The following TDRD9 variants were observed in gnomAD, a reference collection of about 807,000 sequenced individuals.
TDRD9 encodes the protein tudor domain containing 9, also known as ATP-dependent RNA helicase TDRD9.
In TDRD9, 124 loss-of-function variants were observed where a neutral mutation model predicts 172.6. The observed-to-expected ratio is 0.72, with a 90% CI of 0.62 to 0.83. The LOEUF is 0.83. Ranked by LOEUF, TDRD9 falls within the 40% of genes least tolerant of loss-of-function variation. The pLI is 0.00. For synonymous variants in TDRD9, 619 were observed against 617.1 expected, an observed-to-expected ratio of 1.00 and a Z score of -0.05; for missense variants, 1,479 against 1,714.1, an observed-to-expected ratio of 0.86 and a Z score of 2.42.
At position 104,018,114 on chromosome 14, in the gene TDRD9, G is replaced by A. The variant is rs371653411; in HGVS notation, c.2354G>A (p.Gly785Glu). 1.2e-5 allele frequency: 19 copies of A among 1,603,340 alleles called. No individual in the cohort carries two copies. In the South Asian group the frequency reaches 2.1e-4, roughly 18 times the overall value. ...CAGTTGAAACACATTCCTCCCTATG[G>A]ATTTCTTTACTATAAACAACTACAG... is the stretch of plus-strand genomic sequence containing the variant. ...TVVLKHIPPY[G>E]FLYYKQLQSL... Residue 785 changes from glycine to glutamate, a missense_variant, in exon 23 of 36, where the codon GGA (glycine) becomes GAA (glutamate). Around this residue, in one of 3 missense-constraint regions of TDRD9, gnomAD observed 1,413 missense variants for 1,649.1 expected, o/e 0.86. Coordinates refer to ENST00000409874, the MANE Select transcript of TDRD9 (RefSeq NM_153046.3).
intron 3 of TDRD9, 103 bp from the exon 4 acceptor site, chr14:103,965,230 C>A: frequency 8.0e-7 from 1 of 1,242,922 alleles, no homozygotes; most frequent in Non-Finnish European, 1.1e-6. Flanking sequence ...CAAAACAAAA[C>A]TTTAAGATGA....
intron 34 of TDRD9, among the ~76,000 whole-genome samples, chr14:104,048,003 C>G (rs953406957): frequency 1.3e-5 from 2 of 152,022 alleles, no homozygotes; most frequent in Non-Finnish European, 2.9e-5. Context: ...TCAGCCTCTA[C>G]TGGCTGCTCT....
At chr14:104,025,895 G>C in intron 26 of TDRD9, 119 bp downstream of exon 26, 1 of 1,037,580 alleles carries the variant, frequency 9.6e-7, no homozygotes, top group Non-Finnish European at 1.5e-6. Context: ...TAGCAAAGTA[G>C]TCTGTTTCCC....
intron 1 of TDRD9, among the ~76,000 whole-genome samples, chr14:103,952,334 G>A (rs1412769138): frequency 3.6e-5 from 5 of 138,644 alleles, no homozygotes; most frequent in South Asian, 2.4e-4. Flanking sequence ...TCCGCCTCCC[G>A]GGTTCACGCC....
rs527873330 is a variant in TDRD9, at chr14:103,981,497, C to T, written c.1012-4720C>T. Among the ~76,000 whole-genome samples the T allele has an allele frequency of 3.0e-4, 46 of 152,280 alleles. No homozygotes were observed. The South Asian group carries it at 6.6e-3, about 22-fold the overall frequency. Reference sequence around the variant, plus strand: ...TCCAGCTTTAGCAAGATTTATCCAACGTCTTGTTTTTGGTACCTGATAGGT... The same window carrying T: ...TCCAGCTTTAGCAAGATTTATCCAATGTCTTGTTTTTGGTACCTGATAGGT... On this transcript the variant is annotated intron_variant, in intron 7 of 35. Transcript: ENST00000409874.
chr14:103,976,251 T>G (rs1239942840), intron 7 of TDRD9, among the ~76,000 whole-genome samples: 1 of 152,110 alleles, frequency 6.6e-6, no homozygotes, highest in East Asian at 1.9e-4. Flanking sequence ...TATACTATAT[T>G]TTCTTTATCC....
chr14:104,049,733 A>G (rs2035888280), intron 35 of TDRD9, 53 bp downstream of exon 35: 3 of 1,474,662 alleles, frequency 2.0e-6, no homozygotes, highest in Admixed American at 3.9e-5. Flanking sequence ...AGGAGGGGAC[A>G]GGCCCTGGGC....
In TDRD9 at chr14:104,029,306, A is replaced by G. The variant is rs1449357580; in HGVS notation, c.3283-1802A>G. Among the ~76,000 whole-genome samples the G allele has an allele frequency of 2.6e-5, 4 of 152,282 alleles. 1 individual carries two copies. The highest frequency in any genetic ancestry group is 4.1e-4 in the South Asian group (2 of 4,830). On this transcript the variant is annotated intron_variant, in intron 28 of 35. Coordinates refer to ENST00000409874, the MANE Select transcript of TDRD9 (RefSeq NM_153046.3). ...CATTTTAACAATATAAATTCTTCCAATTCATAAACATGAGATGTCTTAATC... is the reference window on the plus strand; with the variant it reads ...CATTTTAACAATATAAATTCTTCCAGTTCATAAACATGAGATGTCTTAATC...
At chr14:103,952,212 ATATATATATTTTTTTTTTTTTTTTTT>A (rs1566734812) in intron 1 of TDRD9, among the ~76,000 whole-genome samples, 5 of 66,408 alleles carry the variant, frequency 7.5e-5, no homozygotes, top group African/African-American at 4.0e-4. Flanking sequence ...ATATATATAT[ATATATATATTTTTTTTTTTTTTTTTT>A]TTTTTTTTTT....
chr14:103,946,966 T>A (rs1007039076), intron 1 of TDRD9, among the ~76,000 whole-genome samples: 16 of 152,236 alleles, frequency 1.1e-4, no homozygotes, highest in African/African-American at 3.9e-4. Flanking sequence ...TACTACACGA[T>A]GTGATCTACA....
At chr14:103,978,418 T>G (rs1408418944) in intron 7 of TDRD9, among the ~76,000 whole-genome samples, 1 of 152,170 alleles carries the variant, frequency 6.6e-6, no homozygotes, top group Non-Finnish European at 1.5e-5. Context: ...GGACATCTAT[T>G]TGTAGTTAAC....
chr14:104,012,333 C>T (rs1025464129), intron 20 of TDRD9, among the ~76,000 whole-genome samples: 2 of 152,236 alleles, frequency 1.3e-5, no homozygotes, highest in African/African-American at 2.4e-5. Flanking sequence ...CCAAGCCTTT[C>T]TCTGGAATGT....
chr14:103,938,440 A>ATTTTTTTTTTT (rs71126087), intron 1 of TDRD9, among the ~76,000 whole-genome samples: 10 of 44,538 alleles, frequency 2.2e-4, no homozygotes, highest in Admixed American at 1.5e-3. Flanking sequence ...ATATATATAT[A>ATTTTTTTTTTT]TTTTTTTTTT....
chr14:103,995,637 G>A (rs966988765), intron 11 of TDRD9, 113 bp from the exon 12 acceptor site: 16 of 923,812 alleles, frequency 1.7e-5, no homozygotes, highest in Non-Finnish European at 2.5e-5. Context: ...TGAAACCTGA[G>A]TTCAGTATTT....
intron 32 of TDRD9, among the ~76,000 whole-genome samples, 171 bp from the exon 33 acceptor site, chr14:104,040,020 ATATTT>A (rs559001864): frequency 6.6e-6 from 1 of 150,868 alleles, no homozygotes; most frequent in Non-Finnish European, 1.5e-5. Context: ...TCTTATAACT[ATATTT>A]TATAACTATA....
intron 23 of TDRD9, among the ~76,000 whole-genome samples, chr14:104,018,887 TAA>T (rs1384736268): frequency 6.6e-6 from 1 of 152,192 alleles, no homozygotes; most frequent in Non-Finnish European, 1.5e-5. Flanking sequence ...AGTTGAACAT[TAA>T]GTCCATTTTC....
intron 20 of TDRD9, among the ~76,000 whole-genome samples, chr14:104,012,364 C>A (rs1391603740): frequency 6.6e-6 from 1 of 152,200 alleles, no homozygotes; most frequent in Admixed American, 6.5e-5. Context: ...GACAGCCAGG[C>A]CTGCTGGATT....
At chr14:103,978,562 T>A (rs532400330) in intron 7 of TDRD9, among the ~76,000 whole-genome samples, 2 of 152,362 alleles carry the variant, frequency 1.3e-5, no homozygotes, top group South Asian at 4.1e-4. Flanking sequence ...GATGTTTCCT[T>A]AGGCTCCTCT....
chr14:104,026,747 T>C lies in TDRD9; in HGVS notation c.3090T>C (p.Ser1030=). 1 of 1,613,900 alleles carries C rather than the reference T, an allele frequency of 6.2e-7. No homozygotes were observed. Among genetic ancestry groups the C allele is most frequent in the Non-Finnish European group, 8.5e-7 (1 of 1,179,866 alleles). ...AKSLVCGKHW[S]DGASQWFASL... ...CTCTTGTTTGTGGCAAGCACTGGAG[T>C]GACGGGGCCAGCCAGTGGTTCGCCT... is the stretch of plus-strand genomic sequence containing the variant. Residue 1030 remains serine, a synonymous_variant, in exon 28 of 36, where the codon AGT becomes AGC. Coordinates refer to ENST00000409874, the MANE Select transcript of TDRD9 (RefSeq NM_153046.3).
Sources: gnomAD v4.1 joint callset for allele counts (sites outside exome capture counted in the v4.1 genomes callset) on GRCh38, gnomAD v4.1.1 for gene constraint, gnomAD v4.1.1 regional missense constraint, MANE v1.5 for transcripts, NCBI Gene and HGNC (gene_info 2026-07-23, HGNC 2026-07-21) for gene names.